FHIP1A: variants seen among roughly 807,000 people sequenced by gnomAD.
FHIP1A encodes the protein FHF complex subunit HOOK-interacting protein 1A.
Under a neutral mutation model 88.6 loss-of-function variants are expected in FHIP1A, and 61 were observed. The observed-to-expected ratio is 0.69, with a 90% CI of 0.56 to 0.85. The LOEUF (loss-of-function observed/expected upper bound fraction) is 0.85, where lower values mean the gene tolerates loss of function less well. Ranked by LOEUF, FHIP1A falls within the 40% of genes least tolerant of loss-of-function variation. The probability of loss-of-function intolerance (pLI) is 0.00; values close to 1 mark genes in which losing one functional copy is unlikely to be tolerated. For missense variants in FHIP1A, 1,154 were observed against 1,273.5 expected (o/e 0.91, Z 1.43); for synonymous variants, 478 against 496.0 (o/e 0.96, Z 0.48).
chr4:151,479,053 G>C (rs1729808401), intron 2 of FHIP1A, among the ~76,000 whole-genome samples: 1 of 152,026 alleles, frequency 6.6e-6, no homozygotes, highest in Non-Finnish European at 1.5e-5. Context: ...TGAAATCTCA[G>C]GGATTGATTG....
intron 6 of FHIP1A, among the ~76,000 whole-genome samples, 194 bp downstream of exon 6, chr4:151,586,993 A>T (rs1241543447): frequency 6.6e-6 from 1 of 152,090 alleles, no homozygotes; most frequent in African/African-American, 2.4e-5. Flanking sequence ...TTTAACTGAG[A>T]AAAAAAATGA....
chr4:151,497,024 G>A (rs907080540), intron 3 of FHIP1A, among the ~76,000 whole-genome samples: 1 of 152,062 alleles, frequency 6.6e-6, no homozygotes, highest in Non-Finnish European at 1.5e-5. Flanking sequence ...ATATAGCTGG[G>A]AATTTTGGGA....
intron 2 of FHIP1A, among the ~76,000 whole-genome samples, chr4:151,480,193 G>A (rs560167345): frequency 2.8e-4 from 43 of 152,116 alleles, no homozygotes; most frequent in African/African-American, 8.4e-4. Flanking sequence ...CAAAGGACTC[G>A]GCTTCCTTTG....
chr4:151,516,550 C>T (rs1038475130), intron 3 of FHIP1A, among the ~76,000 whole-genome samples: 7 of 152,078 alleles, frequency 4.6e-5, no homozygotes, highest in Non-Finnish European at 8.8e-5. Flanking sequence ...GCAACCTACT[C>T]ATCTGACAAA....
At chr4:151,484,206 T>C (rs1375554314) in intron 3 of FHIP1A, among the ~76,000 whole-genome samples, 1 of 152,204 alleles carries the variant, frequency 6.6e-6, no homozygotes, top group Non-Finnish European at 1.5e-5. Context: ...TAGCCACTCA[T>C]GAATCCTGGG....
At chr4:151,659,067 C>T (rs1311942222) in intron 13 of FHIP1A, among the ~76,000 whole-genome samples, 1 of 152,108 alleles carries the variant, frequency 6.6e-6, no homozygotes, top group Non-Finnish European at 1.5e-5. Flanking sequence ...TGTCTGGAGG[C>T]CATGATTGCA....
intron 3 of FHIP1A, among the ~76,000 whole-genome samples, chr4:151,555,983 G>A (rs1436726376): frequency 6.6e-6 from 1 of 151,976 alleles, no homozygotes; most frequent in Non-Finnish European, 1.5e-5. Flanking sequence ...TACATTCTCA[G>A]AACAAATAAT....
At chr4:151,612,942 C>G (rs1166644246) in intron 7 of FHIP1A, among the ~76,000 whole-genome samples, 2 of 152,186 alleles carry the variant, frequency 1.3e-5, no homozygotes, top group Non-Finnish European at 1.5e-5. Flanking sequence ...GACGCGACAC[C>G]TTACTGACCG....
At chr4:151,497,423 T>C (rs1730501945) in intron 3 of FHIP1A, among the ~76,000 whole-genome samples, 1 of 152,210 alleles carries the variant, frequency 6.6e-6, no homozygotes, top group Non-Finnish European at 1.5e-5. Flanking sequence ...GAATAGTTTT[T>C]AGATTTTTAA....
intron 2 of FHIP1A, among the ~76,000 whole-genome samples, chr4:151,460,774 G>A (rs1427788313): frequency 6.6e-6 from 1 of 152,138 alleles, no homozygotes; most frequent in African/African-American, 2.4e-5. Context: ...AGTATGGACC[G>A]AGGTCAGGTA....
At chr4:151,414,350 G>T (rs2724557) in intron 1 of FHIP1A, among the ~76,000 whole-genome samples, 53,433 of 152,062 alleles carry the variant, frequency 0.35, 9,988 homozygotes, top group Non-Finnish European at 0.43. Flanking sequence ...ACCGCGTCTG[G>T]CCTCTATCTA....
intron 1 of FHIP1A, among the ~76,000 whole-genome samples, chr4:151,443,616 C>CT (rs57129396): frequency 1.9e-4 from 28 of 143,640 alleles, no homozygotes; most frequent in African/African-American, 3.3e-4. Flanking sequence ...GTATGTAGAG[C>CT]TTTTTTTTTT....
chr4:151,579,446 G>C (rs1002431927), intron 5 of FHIP1A, among the ~76,000 whole-genome samples: 3 of 152,162 alleles, frequency 2.0e-5, no homozygotes, highest in Non-Finnish European at 4.4e-5. Context: ...GCAGTTTTGA[G>C]AGGGAGCTAT....
At chr4:151,614,337 C>T (rs1735435269) in intron 7 of FHIP1A, among the ~76,000 whole-genome samples, 2 of 151,868 alleles carry the variant, frequency 1.3e-5, no homozygotes, top group African/African-American at 4.8e-5. Context: ...GGTGTGGTGG[C>T]ATGCACCTGT....
At chr4:151,476,782 A>G (rs539021106) in intron 2 of FHIP1A, among the ~76,000 whole-genome samples, 7 of 152,344 alleles carry the variant, frequency 4.6e-5, no homozygotes, top group East Asian at 1.9e-4. Flanking sequence ...GAAGAATATG[A>G]TAATCTATAA....
chr4:151,459,823 A>G (rs1729087569), intron 2 of FHIP1A, among the ~76,000 whole-genome samples: 1 of 152,220 alleles, frequency 6.6e-6, no homozygotes, highest in Non-Finnish European at 1.5e-5. Context: ...CCCTTGTTGT[A>G]GAGCTACCAA....
intron 8 of FHIP1A, among the ~76,000 whole-genome samples, chr4:151,636,441 T>C (rs1736354828): frequency 6.6e-6 from 1 of 151,952 alleles, no homozygotes; most frequent in South Asian, 2.1e-4. Flanking sequence ...ATGAAATAAA[T>C]GCATTTATAT....
intron 8 of FHIP1A, among the ~76,000 whole-genome samples, chr4:151,638,449 T>C (rs1330577224): frequency 6.6e-6 from 1 of 151,802 alleles, no homozygotes; most frequent in Non-Finnish European, 1.5e-5. Flanking sequence ...TGTAGGAAGA[T>C]AATTCTGCAC....
At chr4:151,563,284 G>A (rs552863583) in intron 3 of FHIP1A, among the ~76,000 whole-genome samples, 1 of 152,012 alleles carries the variant, frequency 6.6e-6, no homozygotes, top group South Asian at 2.1e-4. Context: ...ACACCTACAT[G>A]CACCCACTGT....
Sources: allele counts gnomAD v4.1 joint callset (sites outside exome capture counted in the v4.1 genomes callset), GRCh38; gene constraint gnomAD v4.1.1; transcripts MANE v1.5; gene names NCBI Gene and HGNC (gene_info 2026-07-23, HGNC 2026-07-21).